Variants in FSTL4 observed in about 807,000 individuals in gnomAD.
FSTL4 encodes follistatin like 4.
FSTL4 carries 28 observed loss-of-function variants against 78.2 expected under a neutral mutation model. The observed-to-expected ratio is 0.36, with a 90% CI of 0.27 to 0.49. FSTL4 has a LOEUF of 0.49. FSTL4 is among the 20% of genes least tolerant of loss of function. The pLI, the probability that FSTL4 is intolerant of heterozygous loss-of-function variation, is 0.98. For synonymous variants in FSTL4, 422 were observed against 440.5 expected (o/e 0.96, Z 0.53); for missense variants, 922 against 1,084.9 (o/e 0.85, Z 2.11).
chr5:133,579,906 C>T (rs575494664), intron 2 of FSTL4, among the ~76,000 whole-genome samples: 13 of 152,172 alleles, frequency 8.5e-5, no homozygotes, highest in African/African-American at 2.4e-4. Flanking sequence ...GTGGGGCCAG[C>T]GGTGATTGAT....
intron 15 of FSTL4, among the ~76,000 whole-genome samples, chr5:133,200,082 G>A (rs1312000743): frequency 6.6e-6 from 1 of 152,208 alleles, no homozygotes; most frequent in African/African-American, 2.4e-5. Context: ...CGCTTCAACT[G>A]CTTCTCCATT....
At chr5:133,591,921 C>T (rs1207078289) in intron 2 of FSTL4, among the ~76,000 whole-genome samples, 1 of 152,148 alleles carries the variant, frequency 6.6e-6, no homozygotes, top group Admixed American at 6.5e-5. Context: ...TGTACATGAG[C>T]ATGTTAGCAG....
the FSTL4 span, among the ~76,000 whole-genome samples, chr5:133,676,994 A>G: frequency 2.0e-5 from 3 of 152,234 alleles, no homozygotes; most frequent in African/African-American, 7.2e-5. Flanking sequence ...AAATTTTATG[A>G]ACTCTTTTAA....
At chr5:133,662,826 A>G in the FSTL4 span, among the ~76,000 whole-genome samples, 3 of 152,144 alleles carry the variant, frequency 2.0e-5, no homozygotes, top group Admixed American at 2.0e-4. Flanking sequence ...TCACTCTTCC[A>G]TCCTAAGCCA....
At chr5:133,222,078 G>A (rs1204685381) in intron 11 of FSTL4, among the ~76,000 whole-genome samples, 2 of 151,972 alleles carry the variant, frequency 1.3e-5, no homozygotes, top group East Asian at 3.9e-4. Flanking sequence ...GGCACCCAGA[G>A]GCACTAATGT....
chr5:133,803,475 A>C, the FSTL4 span, among the ~76,000 whole-genome samples: 2 of 152,132 alleles, frequency 1.3e-5, no homozygotes, highest in Non-Finnish European at 2.9e-5. Flanking sequence ...CCACCTTAGG[A>C]AGCTTGGAAT....
At chr5:133,345,986 C>G (rs1754690613) in intron 4 of FSTL4, among the ~76,000 whole-genome samples, 2 of 152,186 alleles carry the variant, frequency 1.3e-5, no homozygotes, top group Admixed American at 1.3e-4. Flanking sequence ...AGACTTGGAA[C>G]CAATCCAAAT....
At chr5:133,672,063 G>A in the FSTL4 span, among the ~76,000 whole-genome samples, 9,259 of 152,228 alleles carry the variant, frequency 0.061, 378 homozygotes, top group South Asian at 0.11. Flanking sequence ...CACTAAGGTC[G>A]TACAACTAGC....
chr5:133,486,905 G>T (rs533891479), intron 3 of FSTL4, among the ~76,000 whole-genome samples: 33 of 152,268 alleles, frequency 2.2e-4, no homozygotes, highest in African/African-American at 7.5e-4. Flanking sequence ...AGGATAACTT[G>T]CTCAAAGTTA....
At chr5:133,558,850 G>T (rs1759854116) in intron 3 of FSTL4, among the ~76,000 whole-genome samples, 1 of 152,154 alleles carries the variant, frequency 6.6e-6, no homozygotes, top group Non-Finnish European at 1.5e-5. Context: ...ACAGCCACAG[G>T]AGAGAAATGG....
chr5:133,542,214 T>A (rs911082705), intron 3 of FSTL4, among the ~76,000 whole-genome samples: 55 of 152,342 alleles, frequency 3.6e-4, no homozygotes, highest in African/African-American at 1.3e-3. Context: ...ATTAGATTTT[T>A]AAAATACTTT....
rs199609726 is a variant in FSTL4 at position 133,199,126 on chromosome 5, C to A, written c.2498G>T (p.Gly833Val). Residue 833 changes from glycine (G) to valine (V), a missense_variant, in exon 16 of 16, where the codon GGG (glycine) becomes GTG (valine). Transcript: ENST00000265342. The surrounding 1 kb of genome is among the most constrained non-coding windows in gnomAD (Gnocchi z 4.4). ...CTCACCCACCCACACCACTGTGGTCCCCCCCTTTATACCTGACACCTCACA... is the reference window on the plus strand; with the variant it reads ...CTCACCCACCCACACCACTGTGGTCACCCCCTTTATACCTGACACCTCACA... Reference protein sequence around the residue: ...LRCEVSGIKGGTTVVWVGEV With the variant: ...LRCEVSGIKGVTTVVWVGEV The A allele has an allele frequency of 7.0e-6, 11 of 1,564,776 alleles. No individual in the cohort carries two copies. The highest frequency in any genetic ancestry group is 1.2e-5 in the South Asian group (1 of 82,472).
chr5:133,639,152 G>A, the FSTL4 span, among the ~76,000 whole-genome samples: 1 of 152,040 alleles, frequency 6.6e-6, no homozygotes, highest in Non-Finnish European at 1.5e-5. Context: ...ACAGGCCCCA[G>A]TGTGTGTTGT....
At chr5:133,517,878 AG>A (rs1758896688) in intron 3 of FSTL4, among the ~76,000 whole-genome samples, 1 of 152,100 alleles carries the variant, frequency 6.6e-6, no homozygotes, top group African/African-American at 2.4e-5. Context: ...TCTTTGCGGG[AG>A]CTAAGTCTTT....
At chr5:133,291,775 G>A (rs1263296647) in intron 6 of FSTL4, among the ~76,000 whole-genome samples, 1 of 151,020 alleles carries the variant, frequency 6.6e-6, no homozygotes, top group Non-Finnish European at 1.5e-5. Flanking sequence ...GGGAGGTGGG[G>A]AGGGTGTGGA....
chr5:133,663,659 C>T, the FSTL4 span, among the ~76,000 whole-genome samples: 1 of 152,198 alleles, frequency 6.6e-6, no homozygotes, highest in African/African-American at 2.4e-5. Flanking sequence ...GAGTGAGATT[C>T]AAAAGGGGAT....
At chr5:133,233,348 C>A in intron 8 of FSTL4, 69 bp downstream of exon 8, 1 of 1,546,050 alleles carries the variant, frequency 6.5e-7, no homozygotes, top group East Asian at 2.2e-5. Context: ...CAGGAGGGGG[C>A]GAGGGTTGAT....
Position 133,440,892 on chromosome 5 carries a change from T to A in FSTL4, c.161-39906A>T, listed in dbSNP as rs961265237. ...TCAGATACAGTGGACTACTGCCTCC[T>A]GCACTTGGCCTCCTGGGTCTGGGTC... On this transcript the variant is annotated intron_variant, in intron 3 of 15. Transcript: ENST00000265342. The surrounding 1 kb of genome is among the most constrained non-coding windows in gnomAD (Gnocchi z 4.1). Among the ~76,000 whole-genome samples, 1 of 152,180 alleles carries A rather than the reference T, an allele frequency of 6.6e-6. No homozygotes were observed. The highest frequency in any genetic ancestry group is 2.4e-5 in the African/African-American group (1 of 41,428).
chr5:133,464,531 G>A (rs895160209), intron 3 of FSTL4, among the ~76,000 whole-genome samples: 2 of 152,158 alleles, frequency 1.3e-5, no homozygotes, highest in Non-Finnish European at 2.9e-5. Flanking sequence ...GGCCGGCCTC[G>A]TGGGGAAAAG....
Sources: gnomAD v4.1 joint callset for allele counts (sites outside exome capture counted in the v4.1 genomes callset) on GRCh38, gnomAD v4.1.1 for gene constraint, Gnocchi (gnomAD v3.1) non-coding constraint, MANE v1.5 for transcripts, NCBI Gene and HGNC (gene_info 2026-07-23, HGNC 2026-07-21) for gene names.